The following CCSER1 variants were observed in gnomAD, a reference collection of about 807,000 sequenced individuals.
CCSER1 encodes the protein serine-rich coiled-coil domain-containing protein 1.
A neutral mutation model predicts 82.0 loss-of-function variants in CCSER1; 41 were observed. The observed-to-expected ratio is 0.50, with a 90% CI of 0.39 to 0.65. The LOEUF (loss-of-function observed/expected upper bound fraction) is 0.65, where lower values mean the gene tolerates loss of function less well. CCSER1 is among the 30% of genes least tolerant of loss of function. The probability of loss-of-function intolerance (pLI) is 0.00; values close to 1 mark genes in which losing one functional copy is unlikely to be tolerated. For missense variants in CCSER1, 1,119 were observed against 1,064.2 expected (o/e 1.05, Z -0.72); for synonymous variants, 414 against 383.9 (o/e 1.08, Z -0.92).
chr4:90,530,350 C>A (rs1219629081), intron 5 of CCSER1, among the ~76,000 whole-genome samples: 1 of 152,096 alleles, frequency 6.6e-6, no homozygotes, highest in Non-Finnish European at 1.5e-5. Context: ...GCCAGTGGGA[C>A]CTCTACCCCA....
At chr4:90,476,311 A>G (rs1047200978) in intron 5 of CCSER1, among the ~76,000 whole-genome samples, 1 of 152,134 alleles carries the variant, frequency 6.6e-6, no homozygotes, top group African/African-American at 2.4e-5. Context: ...CTGTCCAGAA[A>G]TCGCTGCTCA....
At chr4:91,306,776 C>A (rs1030012103) in intron 10 of CCSER1, among the ~76,000 whole-genome samples, 2 of 151,984 alleles carry the variant, frequency 1.3e-5, no homozygotes, top group Non-Finnish European at 2.9e-5. Context: ...TTCCAAGTAA[C>A]AGAGATACAA....
At chr4:90,707,535 AAAAAT>A (rs959762246) in intron 6 of CCSER1, among the ~76,000 whole-genome samples, 10 of 143,474 alleles carry the variant, frequency 7.0e-5, no homozygotes, top group Non-Finnish European at 1.1e-4. Flanking sequence ...ACCTTAAAAA[AAAAAT>A]ATATATATAT....
At chr4:90,470,661 C>T (rs1202227228) in intron 5 of CCSER1, among the ~76,000 whole-genome samples, 1 of 147,450 alleles carries the variant, frequency 6.8e-6, no homozygotes, top group African/African-American at 2.5e-5. Context: ...GGAGGTTCCT[C>T]TAGTGGTGAT....
chr4:90,430,638 T>C (rs938778579), intron 4 of CCSER1, among the ~76,000 whole-genome samples: 2 of 151,950 alleles, frequency 1.3e-5, no homozygotes, highest in African/African-American at 4.8e-5. Context: ...AACAAAACTT[T>C]ACTGCTGTGA....
chr4:90,603,134 G>A (rs17017255), intron 5 of CCSER1, among the ~76,000 whole-genome samples: 13,473 of 152,188 alleles, frequency 0.089, 785 homozygotes, highest in East Asian at 0.17. Flanking sequence ...CAGAAAAAAT[G>A]AAGCTACTCA....
rs538727753 is a variant in CCSER1, at chr4:91,443,311, A to T, written c.2218-155261A>T. On this transcript the variant is annotated intron_variant, in intron 10 of 10. Coordinates refer to ENST00000509176, the MANE Select transcript of CCSER1 (RefSeq NM_001145065.2). ...TGCAGCCATAAAAAATGATGAGTTC[A>T]TGTGCTTTGTAGAGACATGGATGAA... is the stretch of plus-strand genomic sequence containing the variant. Among the ~76,000 whole-genome samples the T allele has an allele frequency of 4.1e-4, 63 of 152,258 alleles. No individual in the cohort carries two copies. In the South Asian group the frequency reaches 5.4e-3, roughly 13 times the overall value.
At chr4:91,094,346 A>G (rs1665216663) in intron 10 of CCSER1, among the ~76,000 whole-genome samples, 1 of 152,214 alleles carries the variant, frequency 6.6e-6, no homozygotes, top group Admixed American at 6.5e-5. Context: ...CTCAGGAGCT[A>G]GTCTGATGCT....
intron 10 of CCSER1, among the ~76,000 whole-genome samples, chr4:91,193,768 C>T (rs1028217879): frequency 6.6e-6 from 1 of 151,938 alleles, no homozygotes; most frequent in African/African-American, 2.4e-5. Context: ...ACAATGAATG[C>T]CCATTGCTTA....
At chr4:90,650,564 A>G (rs1389332022) in intron 6 of CCSER1, among the ~76,000 whole-genome samples, 2 of 152,216 alleles carry the variant, frequency 1.3e-5, no homozygotes, top group Admixed American at 6.5e-5. Context: ...AGGGAATACC[A>G]TATCAGGTCC....
rs371356057 is a variant in CCSER1 at position 91,311,932 on chromosome 4, T to C, written c.2217+225938T>C. Among the ~76,000 whole-genome samples the C allele has an allele frequency of 7.6e-4, 116 of 152,064 alleles. 1 individual carries two copies. The South Asian group carries it at 7.9e-3, about 10-fold the overall frequency. ...CACTTTGTCTTCCATTGTTGACTGT[T>C]ATAATTCTGGTTAGTAACTCCTGTC... On this transcript the variant is annotated intron_variant, in intron 10 of 10. Coordinates refer to ENST00000509176, the MANE Select transcript of CCSER1 (RefSeq NM_001145065.2).
In CCSER1 at chr4:90,548,365, T is replaced by G. The variant is rs568632059; in HGVS notation, c.1725-79660T>G. On this transcript the variant is annotated intron_variant, in intron 5 of 10. Coordinates refer to ENST00000509176, the MANE Select transcript of CCSER1 (RefSeq NM_001145065.2). ...ATCCTTCAGCCCCACATTCAATCTT[T>G]AGGGCCTACTTGTCTGTTGCACATG... Among the ~76,000 whole-genome samples, 10 of 152,248 alleles carry G rather than the reference T, an allele frequency of 6.6e-5. No individual in the cohort carries two copies. The South Asian group carries it at 2.1e-3, about 32-fold the overall frequency.
intron 1 of CCSER1, among the ~76,000 whole-genome samples, chr4:90,293,866 A>G (rs975706880): frequency 6.6e-6 from 1 of 151,948 alleles, no homozygotes; most frequent in South Asian, 2.1e-4. Flanking sequence ...ATTAATGAGA[A>G]AAAGTCATAA....
intron 9 of CCSER1, among the ~76,000 whole-genome samples, chr4:90,962,803 G>C (rs1355629563): frequency 6.6e-6 from 1 of 152,026 alleles, no homozygotes; most frequent in African/African-American, 2.4e-5. Context: ...CTACACTGTA[G>C]CCAGAGTGTG....
At chr4:90,807,867 G>T (rs570577452) in intron 7 of CCSER1, among the ~76,000 whole-genome samples, 1 of 151,868 alleles carries the variant, frequency 6.6e-6, no homozygotes, top group East Asian at 1.9e-4. Context: ...ATACCCCAAC[G>T]TCATTTTTTG....
At chr4:91,560,863 TAAAGAA>T (rs1436438879) in intron 10 of CCSER1, among the ~76,000 whole-genome samples, 2 of 151,318 alleles carry the variant, frequency 1.3e-5, no homozygotes, top group South Asian at 2.1e-4. Context: ...TCTTTAGAAT[TAAAGAA>T]AAAGTAACAT....
chr4:91,323,127 C>T (rs1746306273), intron 10 of CCSER1, among the ~76,000 whole-genome samples: 1 of 152,130 alleles, frequency 6.6e-6, no homozygotes, highest in Admixed American at 6.6e-5. Context: ...GGGCTGGACT[C>T]ATTGTAGCCA....
chr4:91,247,175 G>A (rs760268525), intron 10 of CCSER1, among the ~76,000 whole-genome samples: 31 of 151,892 alleles, frequency 2.0e-4, no homozygotes, highest in South Asian at 6.3e-4. Flanking sequence ...GGTGGTGGGC[G>A]CCTGTAGTCC....
chr4:91,508,633 A>C (rs1759657887), intron 10 of CCSER1, among the ~76,000 whole-genome samples: 2 of 151,606 alleles, frequency 1.3e-5, no homozygotes, highest in Admixed American at 1.3e-4. Context: ...TCATTTTTGA[A>C]GGATTTATTC....
Sources: gnomAD v4.1 joint callset for allele counts (sites outside exome capture counted in the v4.1 genomes callset) on GRCh38, gnomAD v4.1.1 for gene constraint, MANE v1.5 for transcripts, NCBI Gene and HGNC (gene_info 2026-07-23, HGNC 2026-07-21) for gene names.